Variants in CTCFL observed in about 807,000 individuals in gnomAD.
The protein encoded by CTCFL is transcriptional repressor CTCFL.
In CTCFL, 36 loss-of-function variants were observed where a neutral mutation model predicts 67.4. That is an observed-to-expected ratio of 0.53 (90% CI 0.41 to 0.71). The LOEUF (loss-of-function observed/expected upper bound fraction) is 0.71, where lower values mean the gene tolerates loss of function less well. Ranked by LOEUF, CTCFL falls within the 30% of genes least tolerant of loss-of-function variation. The pLI is 0.00. For missense variants in CTCFL, 786 were observed against 835.2 expected (o/e 0.94, Z 0.73); for synonymous variants, 324 against 302.3 (o/e 1.07, Z -0.75).
At chr20:57,499,868 TCAATACAA>T in intron 10 of CTCFL, 1 of 682,110 alleles carries the variant, frequency 1.5e-6, no homozygotes, top group Non-Finnish European at 1.8e-6. Flanking sequence ...GGAGCGGCTG[TCAATACAA>T]AGCTTCACTC....
intron 10 of CTCFL, among the ~76,000 whole-genome samples, chr20:57,502,344 T>G (rs191050952): frequency 6.6e-6 from 1 of 152,206 alleles, no homozygotes; most frequent in African/African-American, 2.4e-5. Context: ...TTCAGATACA[T>G]GATGAACATT....
At chr20:57,514,804 G>T in intron 6 of CTCFL, 63 bp from the exon 7 acceptor site, 1 of 1,504,678 alleles carries the variant, frequency 6.6e-7, no homozygotes, top group Non-Finnish European at 8.9e-7. Context: ...GGCCACCTGT[G>T]CTGAAAGTGT....
rs1600646627 is a variant in CTCFL, at chr20:57,506,776, T to C, written c.1674+1830A>G. On this transcript the variant is annotated intron_variant, in intron 9 of 10. Transcript: ENST00000243914. ...TTCTTTTCTCTACATTTTTATTTCT[T>C]GCACCAAAGAGCAGTTTTTTTCTCT... 6.1e-6 allele frequency: 6 copies of C among 984,346 alleles called. No homozygotes were observed. The Middle Eastern group carries it at 1.6e-3, about 254-fold the overall frequency. 61.0% of individuals were successfully genotyped at this position (984,346 alleles called of 1,614,324 possible).
downstream of CTCFL, chr20:57,497,062 C>A (rs2067732889): frequency 1.1e-5 from 2 of 189,198 alleles, no homozygotes; most frequent in Non-Finnish European, 1.9e-5. Flanking sequence ...AGTGGCTGCA[C>A]CATTTAACAT....
At chr20:57,499,735 A>G (rs76016304) in intron 10 of CTCFL, 2,352 of 179,662 alleles carry the variant, frequency 0.013, 58 homozygotes, top group African/African-American at 0.054. Context: ...AGATTCTCGT[A>G]AGGAGTGTGC....
rs545073821 is a variant in CTCFL at position 57,523,232 on chromosome 20, T to C, written c.590A>G (p.Lys197Arg). The C allele has an allele frequency of 1.7e-5, 27 of 1,613,914 alleles. No homozygotes were observed. Among genetic ancestry groups the C allele is most frequent in the Non-Finnish European group, 2.0e-5 (24 of 1,180,032 alleles). ...TGTTTCCACAAAAAAGAGCTGCTCC[T>C]TTGTTCTTTCAGCCAATAACTGGTT... ...EKNQLLAERT[K>R]EQLFFVETMS... Residue 197 changes from lysine (K) to arginine (R), a missense_variant, in exon 3 of 11, where the codon AAG becomes AGG. By Grantham distance (26) the Lys-to-Arg change is conservative. Transcript: ENST00000243914.
intron 10 of CTCFL, among the ~76,000 whole-genome samples, chr20:57,501,104 C>T (rs896986203): frequency 1.3e-5 from 2 of 152,216 alleles, no homozygotes; most frequent in Non-Finnish European, 2.9e-5. Context: ...TTACTATTCA[C>T]TCGTTTATTC....
intron 5 of CTCFL, among the ~76,000 whole-genome samples, chr20:57,518,186 A>G (rs2069070185): frequency 6.6e-6 from 1 of 152,230 alleles, no homozygotes; most frequent in African/African-American, 2.4e-5. Flanking sequence ...GGAAACTGGT[A>G]CTGACTAGTA....
intron 10 of CTCFL, chr20:57,499,888 C>CGTA: frequency 1.2e-6 from 1 of 847,194 alleles, no homozygotes; most frequent in Non-Finnish European, 1.4e-6. Context: ...GCTTCACTCC[C>CGTA]TCACCCACTG....
At chr20:57,523,016 A>G in intron 3 of CTCFL, 52 bp downstream of exon 3, 1 of 1,387,640 alleles carries the variant, frequency 7.2e-7, no homozygotes, top group South Asian at 1.3e-5. Flanking sequence ...CCCATAAAGA[A>G]AAACAGCAGC....
At chr20:57,515,477 C>T (rs1034084620) in intron 6 of CTCFL, 28 of 495,630 alleles carry the variant, frequency 5.6e-5, no homozygotes, top group Non-Finnish European at 7.9e-5. Flanking sequence ...GAAAAATCTA[C>T]GGAAGCAAAT....
At chr20:57,505,969 C>T (rs56384690) in intron 9 of CTCFL, among the ~76,000 whole-genome samples, 11,128 of 152,186 alleles carry the variant, frequency 0.073, 460 homozygotes, top group Middle Eastern at 0.14. Context: ...GGACTGTCTG[C>T]GTTTATGATG....
At chr20:57,516,440 G>A (rs762706985) in intron 5 of CTCFL, among the ~76,000 whole-genome samples, 3 of 152,150 alleles carry the variant, frequency 2.0e-5, no homozygotes, top group Non-Finnish European at 2.9e-5. Context: ...GAGAGGCTGA[G>A]GTGGCAGGAC....
intron 9 of CTCFL, chr20:57,507,789 G>C (rs992697381): frequency 1.4e-6 from 1 of 702,908 alleles, no homozygotes; most frequent in African/African-American, 1.7e-5. Flanking sequence ...CCAACCCAGA[G>C]AATCTGTCAG....
At chr20:57,504,108 C>T (rs771954987) in intron 9 of CTCFL, among the ~76,000 whole-genome samples, 3 of 150,180 alleles carry the variant, frequency 2.0e-5, no homozygotes, top group Non-Finnish European at 4.4e-5. Context: ...TCCCAAGTAG[C>T]TGGGACTACA....
rs745896081 is a variant in CTCFL, at chr20:57,519,195, C to T, written c.925+12G>A. The T allele has an allele frequency of 3.4e-5, 55 of 1,612,384 alleles. No individual in the cohort carries two copies. The highest frequency in any genetic ancestry group is 4.0e-5 in the Non-Finnish European group (47 of 1,178,776). On this transcript the variant is annotated intron_variant, in intron 4 of 10. Transcript: ENST00000243914. ...CATCATTCCAGAGAAACAGCCTTCC[C>T]GGCAGTTTTACCTGTGTGGGTGTTA...
At position 57,497,218 on chromosome 20, in the gene CTCFL, A is replaced by C. The variant is rs991693620; in HGVS notation, c.*1332T>G. ...TGAATTATGTAAAACATCTTTAAAT[A>C]ACAGTAAAAAAATTAAGAAACCATT... On this transcript the variant is annotated 3_prime_UTR_variant, in exon 11 of 11. Coordinates refer to ENST00000243914, the MANE Select transcript of CTCFL (RefSeq NM_001386993.1). 1.1e-6 allele frequency: 1 copy of C among 950,068 alleles called. No homozygotes were observed. The highest frequency in any genetic ancestry group is 1.8e-5 in the African/African-American group (1 of 56,490). The allele number at this position is 950,068 out of a possible 1,614,324, so 58.9% of individuals were successfully genotyped here.
Position 57,523,075 on chromosome 20 carries a change from C to T in CTCFL, c.747G>A (p.Lys249=). ...EKAKSTKNQR[K]TKGAKGTFHC... ...TGAGATGAACTGGCCTACCCTTTGT[C>T]TTTCTTTGATTTTTTGTAGATTTGG... is the stretch of plus-strand genomic sequence containing the variant. Residue 249 remains lysine (K), a synonymous_variant, in exon 3 of 11, where the codon AAG becomes AAA. Transcript: ENST00000243914. 2 of 1,613,280 alleles carry T rather than the reference C, an allele frequency of 1.2e-6. No homozygotes were observed. Among genetic ancestry groups the T allele is most frequent in the South Asian group, 1.1e-5 (1 of 90,994 alleles).
intron 10 of CTCFL, among the ~76,000 whole-genome samples, chr20:57,501,091 T>C (rs1163573067): frequency 1.3e-5 from 2 of 152,200 alleles, no homozygotes; most frequent in Non-Finnish European, 2.9e-5. Context: ...TAAAGGACTG[T>C]GCTTACTATT....
Sources: allele counts gnomAD v4.1 joint callset (sites outside exome capture counted in the v4.1 genomes callset), GRCh38; gene constraint gnomAD v4.1.1; transcripts MANE v1.5; gene names NCBI Gene and HGNC (gene_info 2026-07-23, HGNC 2026-07-21).